Variants in GALNTL6 observed in about 807,000 individuals in gnomAD.
The protein encoded by GALNTL6 is polypeptide N-acetylgalactosaminyltransferase like 6.
In GALNTL6, 46 loss-of-function variants were observed where a neutral mutation model predicts 73.7. The ratio of observed to expected loss-of-function variants is 0.62; its 90% confidence interval spans 0.49 to 0.80. GALNTL6 has a LOEUF of 0.80. Among genes scored for constraint, GALNTL6 ranks in the 30% least tolerant of loss-of-function variants. The probability of loss-of-function intolerance (pLI) is 0.00; values close to 1 mark genes in which losing one functional copy is unlikely to be tolerated. For synonymous variants in GALNTL6, 259 were observed against 263.7 expected (o/e 0.98, Z 0.17); for missense variants, 604 against 755.0 (o/e 0.80, Z 2.34).
At chr4:172,235,276 C>G (rs549975889) in intron 3 of GALNTL6, among the ~76,000 whole-genome samples, 1 of 151,264 alleles carries the variant, frequency 6.6e-6, no homozygotes, top group African/African-American at 2.4e-5. Flanking sequence ...GGTGTGATCT[C>G]GGCTCACTGC....
intron 5 of GALNTL6, among the ~76,000 whole-genome samples, chr4:172,569,248 T>A (rs973409188): frequency 2.0e-5 from 3 of 152,130 alleles, no homozygotes; most frequent in African/African-American, 7.2e-5. Context: ...TCCTGGTTCA[T>A]AGACAGCTGT....
At chr4:172,706,142 A>G (rs1379721003) in intron 5 of GALNTL6, among the ~76,000 whole-genome samples, 6 of 151,932 alleles carry the variant, frequency 3.9e-5, no homozygotes, top group Non-Finnish European at 8.8e-5. Context: ...TAGATTTGTA[A>G]GCATTCTTTT....
intron 5 of GALNTL6, among the ~76,000 whole-genome samples, chr4:172,433,092 G>C (rs1731516010): frequency 6.6e-6 from 1 of 152,114 alleles, no homozygotes; most frequent in South Asian, 2.1e-4. Flanking sequence ...TTGAATGTTT[G>C]AGTTATGATG....
At chr4:172,638,231 A>G (rs906577576) in intron 5 of GALNTL6, among the ~76,000 whole-genome samples, 7 of 152,160 alleles carry the variant, frequency 4.6e-5, no homozygotes, top group Non-Finnish European at 7.3e-5. Flanking sequence ...GCCTCTCTCC[A>G]TTGCTGTCCA....
At chr4:173,011,752 A>G (rs1314832794) in intron 11 of GALNTL6, among the ~76,000 whole-genome samples, 1 of 152,196 alleles carries the variant, frequency 6.6e-6, no homozygotes, top group Admixed American at 6.5e-5. Flanking sequence ...CTTTTAATTG[A>G]AAAACATTTC....
At chr4:172,455,603 T>C (rs1347411207) in intron 5 of GALNTL6, among the ~76,000 whole-genome samples, 1 of 152,102 alleles carries the variant, frequency 6.6e-6, no homozygotes, top group Non-Finnish European at 1.5e-5. Flanking sequence ...AAGTTTGGAC[T>C]GTGTGGAGCC....
chr4:172,958,835 G>A (rs1469173861), intron 10 of GALNTL6, among the ~76,000 whole-genome samples: 1 of 152,154 alleles, frequency 6.6e-6, no homozygotes, highest in Non-Finnish European at 1.5e-5. Flanking sequence ...CAAAGCAATA[G>A]TAAAGAAAGC....
intron 9 of GALNTL6, among the ~76,000 whole-genome samples, chr4:172,951,774 TG>T (rs1477633396): frequency 6.6e-6 from 1 of 152,220 alleles, no homozygotes; most frequent in African/African-American, 2.4e-5. Context: ...AATAGTGAGC[TG>T]AATCTTTACT....
At chr4:172,679,366 G>GC (rs57830144) in intron 5 of GALNTL6, among the ~76,000 whole-genome samples, 20,781 of 150,774 alleles carry the variant, frequency 0.14, 1,666 homozygotes, top group East Asian at 0.25. Flanking sequence ...AGCTGAGATT[G>GC]CCCCATTGCA....
chr4:172,481,241 G>C lies in GALNTL6; in HGVS notation c.553+132552G>C, dbSNP rs146842427. 2.7e-3 allele frequency among the ~76,000 whole-genome samples: 400 copies of C among 150,770 alleles called. 3 individuals are homozygous for C. The highest frequency in any genetic ancestry group is 8.8e-3 in the African/African-American group (361 of 41,224). The stretch of plus-strand genomic sequence containing the variant: ...CAGTCGGGAGTTGTTCCTTCCTCCC[G>C]ACCCGAGTTGTTCATTCCTCCCGGT... On this transcript the variant is annotated intron_variant, in intron 5 of 12. Transcript: ENST00000506823.
chr4:172,371,241 C>T (rs1482728036), intron 5 of GALNTL6, among the ~76,000 whole-genome samples: 2 of 152,180 alleles, frequency 1.3e-5, no homozygotes, highest in African/African-American at 4.8e-5. Flanking sequence ...TTGTCCTGTC[C>T]TGAAAGGAGT....
intron 3 of GALNTL6, among the ~76,000 whole-genome samples, chr4:172,280,996 T>TA (rs1291747266): frequency 2.8e-4 from 40 of 142,858 alleles, no homozygotes; most frequent in African/African-American, 1.0e-3. Context: ...CCATCTCTAC[T>TA]AAAAAATACA....
intron 3 of GALNTL6, among the ~76,000 whole-genome samples, chr4:172,266,980 G>T (rs988878412): frequency 2.0e-5 from 3 of 152,094 alleles, no homozygotes; most frequent in Non-Finnish European, 2.9e-5. Flanking sequence ...AGAAGATGGG[G>T]TCCGGGGAAT....
chr4:172,892,162 G>T (rs1392970954), intron 8 of GALNTL6, among the ~76,000 whole-genome samples: 1 of 152,278 alleles, frequency 6.6e-6, no homozygotes, highest in South Asian at 2.1e-4. Context: ...ATTTCAATGT[G>T]GTTAGGATCC....
At chr4:172,949,929 GAAAGA>G (rs2126339055) in intron 9 of GALNTL6, among the ~76,000 whole-genome samples, 1 of 150,018 alleles carries the variant, frequency 6.7e-6, no homozygotes, top group Admixed American at 6.6e-5. Flanking sequence ...AAGAAAAAAA[GAAAGA>G]AAAGAAAAAG....
intron 2 of GALNTL6, among the ~76,000 whole-genome samples, chr4:172,054,015 T>C (rs1730951733): frequency 6.6e-6 from 1 of 152,074 alleles, no homozygotes; most frequent in Non-Finnish European, 1.5e-5. Context: ...AATATTTTCA[T>C]AGTTAAGCAA....
chr4:172,771,124 G>A (rs549862814), intron 5 of GALNTL6, among the ~76,000 whole-genome samples: 1 of 152,156 alleles, frequency 6.6e-6, no homozygotes, highest in African/African-American at 2.4e-5. Flanking sequence ...AAAATGGCTT[G>A]GAAGGTTAGT....
chr4:172,320,017 G>A (rs562818815), intron 4 of GALNTL6, among the ~76,000 whole-genome samples: 15 of 152,120 alleles, frequency 9.9e-5, no homozygotes, highest in African/African-American at 3.1e-4. Flanking sequence ...GCCTCACTCC[G>A]AATCCAAGAG....
intron 5 of GALNTL6, among the ~76,000 whole-genome samples, chr4:172,358,493 A>G (rs1190499982): frequency 6.6e-6 from 1 of 152,046 alleles, no homozygotes; most frequent in African/African-American, 2.4e-5. Flanking sequence ...TTCTTAAAAC[A>G]TTATGAGATT....
Sources: gnomAD v4.1 joint callset for allele counts (sites outside exome capture counted in the v4.1 genomes callset) on GRCh38, gnomAD v4.1.1 for gene constraint, MANE v1.5 for transcripts, NCBI Gene and HGNC (gene_info 2026-07-23, HGNC 2026-07-21) for gene names.